Variants in WWOX observed in about 807,000 individuals in gnomAD.
WWOX encodes the protein WW domain containing oxidoreductase.
Under a neutral mutation model 46.2 loss-of-function variants are expected in WWOX, and 69 were observed. The ratio of observed to expected loss-of-function variants is 1.49; its 90% CI spans 1.23 to 1.82. The LOEUF is 1.82. Ranked by LOEUF, WWOX falls within the 40% of genes most tolerant of loss-of-function variation. WWOX has a pLI of 0.00. For synonymous variants in WWOX, 359 were observed against 202.6 expected, an observed-to-expected ratio of 1.77 and a Z score of -6.56; for missense variants, 919 against 542.6, an observed-to-expected ratio of 1.69 and a Z score of -6.89.
intron 8 of WWOX, among the ~76,000 whole-genome samples, chr16:78,957,347 A>T (rs1406644759): frequency 6.6e-6 from 1 of 152,252 alleles, no homozygotes; most frequent in Non-Finnish European, 1.5e-5. Context: ...AGAAAGAATT[A>T]TATTAGCTTG....
intron 8 of WWOX, among the ~76,000 whole-genome samples, chr16:78,959,472 G>A (rs948675682): frequency 1.3e-5 from 2 of 152,162 alleles, no homozygotes; most frequent in East Asian, 1.9e-4. Context: ...AACCTTCACA[G>A]GGTTAGCCAT....
chr16:79,093,908 C>G (rs2049015599), intron 8 of WWOX, among the ~76,000 whole-genome samples: 2 of 152,188 alleles, frequency 1.3e-5, no homozygotes, highest in Admixed American at 1.3e-4. Flanking sequence ...TTCTCGCTCT[C>G]TCCTTCCAAG....
intron 8 of WWOX, among the ~76,000 whole-genome samples, chr16:78,498,511 T>A (rs1048345731): frequency 6.6e-6 from 1 of 152,026 alleles, no homozygotes. Context: ...GTGAGGCTAT[T>A]GATGAGGAGT....
chr16:78,652,437 A>T (rs1338220576), intron 8 of WWOX, among the ~76,000 whole-genome samples: 3 of 151,310 alleles, frequency 2.0e-5, no homozygotes, highest in Non-Finnish European at 4.4e-5. Flanking sequence ...AAAAAGAAAA[A>T]GAAAAAGGTG....
chr16:78,785,782 C>T (rs1183031399), intron 8 of WWOX, among the ~76,000 whole-genome samples: 1 of 151,856 alleles, frequency 6.6e-6, no homozygotes, highest in Non-Finnish European at 1.5e-5. Flanking sequence ...TTCACTTATC[C>T]TTCTTTGCTG....
intron 8 of WWOX, among the ~76,000 whole-genome samples, chr16:78,562,742 C>A (rs917894169): frequency 2.6e-5 from 4 of 152,184 alleles, no homozygotes; most frequent in African/African-American, 9.6e-5. Flanking sequence ...AGCATGCAAG[C>A]TAGGAGTTAA....
intron 8 of WWOX, among the ~76,000 whole-genome samples, chr16:79,055,311 C>A (rs1167094808): frequency 1.3e-5 from 2 of 152,140 alleles, no homozygotes; most frequent in African/African-American, 4.8e-5. Flanking sequence ...AATATCAATT[C>A]TTTTCTACTC....
intron 5 of WWOX, among the ~76,000 whole-genome samples, chr16:78,199,074 G>A (rs1163586564): frequency 1.3e-5 from 2 of 152,126 alleles, no homozygotes; most frequent in East Asian, 3.9e-4. Flanking sequence ...CCCACTTTGG[G>A]AGGCTGAGGT....
chr16:78,927,917 C>A (rs906454070), intron 8 of WWOX, among the ~76,000 whole-genome samples: 1 of 152,082 alleles, frequency 6.6e-6, no homozygotes, highest in East Asian at 1.9e-4. Flanking sequence ...CCTAGCCATT[C>A]CTTTTGCTTA....
At chr16:79,089,894 G>A (rs1380312786) in intron 8 of WWOX, among the ~76,000 whole-genome samples, 1 of 151,412 alleles carries the variant, frequency 6.6e-6, no homozygotes, top group Non-Finnish European at 1.5e-5. Flanking sequence ...GGGGGCTTGG[G>A]TGCCTGAGAA....
intron 8 of WWOX, among the ~76,000 whole-genome samples, chr16:78,842,799 C>G (rs1483203042): frequency 2.3e-5 from 3 of 132,766 alleles, no homozygotes; most frequent in Non-Finnish European, 5.3e-5. Context: ...TTGCAGTCAA[C>G]CAAGATCACG....
intron 5 of WWOX, among the ~76,000 whole-genome samples, chr16:78,344,050 A>G (rs1260419091): frequency 8.5e-6 from 1 of 117,334 alleles, no homozygotes; most frequent in African/African-American, 2.9e-5. Context: ...TCTCCTCACC[A>G]TCAAGAAATG....
In WWOX at chr16:79,106,582, A is replaced by ATTTTTTTTTTTTTTTTTTT. The variant is rs752318131; in HGVS notation, c.1057-105011_1057-104993dup. ...CCTAAAATGACTCTTTCTTAAAATA[A>ATTTTTTTTTTTTTTTTTTT]TTTTTTTTTTTTTTTTTTTTTTTTT... On this transcript the variant is annotated intron_variant, in intron 8 of 8. Transcript: ENST00000566780. 5.0e-4 allele frequency: 40 copies of ATTTTTTTTTTTTTTTTTTT among 79,516 alleles called. 5 individuals are homozygous for ATTTTTTTTTTTTTTTTTTT. The highest frequency in any genetic ancestry group is 2.0e-3 in the African/African-American group (38 of 18,834). The allele number at this position is 79,516 out of a possible 1,614,324, so 4.9% of individuals were successfully genotyped here.
chr16:78,659,982 G>C (rs1052639392), intron 8 of WWOX, among the ~76,000 whole-genome samples: 1 of 152,112 alleles, frequency 6.6e-6, no homozygotes, highest in Non-Finnish European at 1.5e-5. Context: ...TAATTGTAGG[G>C]CTCATCAGTA....
chr16:79,083,972 G>A (rs1030400265), intron 8 of WWOX, among the ~76,000 whole-genome samples: 3 of 152,106 alleles, frequency 2.0e-5, no homozygotes, highest in Admixed American at 1.3e-4. Context: ...ACTCCCGATC[G>A]GAGCCCACCC....
intron 5 of WWOX, among the ~76,000 whole-genome samples, chr16:78,335,440 C>T (rs1253758249): frequency 6.6e-6 from 1 of 152,178 alleles, no homozygotes; most frequent in African/African-American, 2.4e-5. Context: ...ATCCATGTCC[C>T]TGCAGAGGAC....
chr16:78,916,616 G>C (rs1567647161), intron 8 of WWOX, among the ~76,000 whole-genome samples: 1 of 152,278 alleles, frequency 6.6e-6, no homozygotes, highest in African/African-American at 2.4e-5. Flanking sequence ...CATAAATTGG[G>C]ATTGGCCTAG....
rs545817040 is a variant in WWOX, at chr16:78,518,461, T to A, written c.1056+85709T>A. 7.2e-5 allele frequency among the ~76,000 whole-genome samples: 11 copies of A among 152,286 alleles called. No homozygotes were observed. In the East Asian group the frequency reaches 1.4e-3, roughly 19 times the overall value. ...GTCGTGAACTCCTGACCTCAAGTGATCTGTCCGCCTCGGCCTCCCAAATTG... is the reference window on the plus strand; with the variant it reads ...GTCGTGAACTCCTGACCTCAAGTGAACTGTCCGCCTCGGCCTCCCAAATTG... On this transcript the variant is annotated intron_variant, in intron 8 of 8. Transcript: ENST00000566780.
chr16:78,182,828 G>A (rs1426950816), intron 5 of WWOX, among the ~76,000 whole-genome samples: 2 of 151,806 alleles, frequency 1.3e-5, no homozygotes, highest in Non-Finnish European at 2.9e-5. Context: ...GCGGGTACCT[G>A]TAGTGCCAGC....
Sources: gnomAD v4.1 joint callset for allele counts (sites outside exome capture counted in the v4.1 genomes callset) on GRCh38, gnomAD v4.1.1 for gene constraint, MANE v1.5 for transcripts, NCBI Gene and HGNC (gene_info 2026-07-23, HGNC 2026-07-21) for gene names.